The following ATP2A1 variants were observed in gnomAD, a reference collection of about 807,000 sequenced individuals.
The protein encoded by ATP2A1 is ATPase sarcoplasmic/endoplasmic reticulum Ca2+ transporting 1.
Under a neutral mutation model 109.5 loss-of-function variants are expected in ATP2A1, and 83 were observed. That is an observed-to-expected ratio of 0.76 (90% CI 0.63 to 0.91). ATP2A1 has a LOEUF of 0.91. Among genes scored for constraint, ATP2A1 ranks in the 40% least tolerant of loss-of-function variants. The probability of loss-of-function intolerance (pLI) is 0.00; values close to 1 mark genes in which losing one functional copy is unlikely to be tolerated. For missense variants in ATP2A1, 1,101 were observed against 1,341.0 expected (o/e 0.82, Z 2.80); for synonymous variants, 505 against 537.6 (o/e 0.94, Z 0.84).
rs780127832 is a variant in ATP2A1 at position 28,897,949 on chromosome 16, C to A, written c.1420-51C>A. ...TGGGGTCTGCTCTGACCTCCAGATT[C>A]TTTTTGACCATTTTAAGAGGACTGG... On this transcript the variant is annotated intron_variant, in intron 12 of 22. Coordinates refer to ENST00000395503, the MANE Select transcript of ATP2A1 (RefSeq NM_004320.6). 5 of 1,611,316 alleles carry A rather than the reference C, an allele frequency of 3.1e-6. No homozygotes were observed. The Admixed American group carries it at 6.7e-5, about 21-fold the overall frequency.
At position 28,880,527 on chromosome 16, in the gene ATP2A1, G is replaced by T. The variant is rs1455133197; in HGVS notation, c.220-388G>T. Among the ~76,000 whole-genome samples the T allele has an allele frequency of 6.6e-6, 1 of 151,372 alleles. No homozygotes were observed. The highest frequency in any genetic ancestry group is 2.4e-5 in the African/African-American group (1 of 41,398). ...CCTGCCTTGGCCGAGGGGGAGGGCT[G>T]CGGGGGCCAGACCGCCTGCGAAGAC... On this transcript the variant is annotated intron_variant, in intron 3 of 22. Coordinates refer to ENST00000395503, the MANE Select transcript of ATP2A1 (RefSeq NM_004320.6). This position sits in a 1 kb window ranked among gnomAD's most constrained non-coding sequence, Gnocchi z 4.2.
intron 9 of ATP2A1, among the ~76,000 whole-genome samples, chr16:28,890,114 T>C (rs1963728716): frequency 6.6e-6 from 1 of 151,520 alleles, no homozygotes; most frequent in Non-Finnish European, 1.5e-5. Flanking sequence ...TGCACTCCAG[T>C]GTGGGCGACG....
At chr16:28,901,386 C>T (rs912583883) in intron 15 of ATP2A1, among the ~76,000 whole-genome samples, 2 of 145,948 alleles carry the variant, frequency 1.4e-5, no homozygotes, top group African/African-American at 2.5e-5. Flanking sequence ...AATCCCAGAA[C>T]TTAAGGAGAC....
In ATP2A1 at chr16:28,898,104, G is replaced by A. The variant is rs187563462; in HGVS notation, c.1524G>A (p.Val508=). 1 of 1,614,108 alleles carries A rather than the reference G, an allele frequency of 6.2e-7. No homozygotes were observed. The highest frequency in any genetic ancestry group is 1.3e-5 in the African/African-American group (1 of 75,008). Residue 508 remains valine (V), a synonymous_variant, in exon 13 of 23, where the codon GTG becomes GTA. Coordinates refer to ENST00000395503, the MANE Select transcript of ATP2A1 (RefSeq NM_004320.6). The surrounding 1 kb of genome is among the most constrained non-coding windows in gnomAD (Gnocchi z 4.0). ...CAGCCAAATCTTCCCGGGCTGCTGT[G>A]GGCAACAAGATGTTTGTCAAGGTCA... The part of the protein sequence containing the change: ...CSPAKSSRAA[V]GNKMFVKGAP...
intron 8 of ATP2A1, among the ~76,000 whole-genome samples, chr16:28,888,150 T>G (rs1334659362): frequency 1.3e-5 from 2 of 148,500 alleles, no homozygotes. Flanking sequence ...CTTCTGCCTC[T>G]GCCTCCCAAG....
Position 28,879,545 on chromosome 16 carries a change from C to T in ATP2A1, c.181C>T (p.Leu61=), listed in dbSNP as rs1398327400. The T allele has an allele frequency of 6.2e-7, 1 of 1,614,174 alleles. No individual in the cohort carries two copies. The highest frequency in any genetic ancestry group is 1.1e-5 in the South Asian group (1 of 91,088). The change falls in exon 3 of 23, where the codon CTG becomes TTG. Residue 61 remains leucine (L), a synonymous_variant. Transcript: ENST00000395503. ...ELVIEQFEDL[L]VRILLLAACI... ...GGTGATAGAGCAGTTTGAAGACCTCCTGGTGCGGATTCTCCTCCTGGCCGC... is the reference window on the plus strand; with the variant it reads ...GGTGATAGAGCAGTTTGAAGACCTCTTGGTGCGGATTCTCCTCCTGGCCGC...
Position 28,903,200 on chromosome 16 carries a change from C to T in ATP2A1, c.2862+53C>T, listed in dbSNP as rs1452053666. The stretch of plus-strand genomic sequence containing the variant: ...CACCCCAGCACTGGGGAGCCCACGG[C>T]GGGCCCATGACCACTCCCACCAGGG... On this transcript the variant is annotated intron_variant, in intron 20 of 22. Coordinates refer to ENST00000395503, the MANE Select transcript of ATP2A1 (RefSeq NM_004320.6). The surrounding 1 kb of genome is among the most constrained non-coding windows in gnomAD (Gnocchi z 5.6). 18 of 1,601,256 alleles carry T rather than the reference C, an allele frequency of 1.1e-5. No individual in the cohort carries two copies. The highest frequency in any genetic ancestry group is 9.9e-5 in the South Asian group (9 of 90,824).
Position 28,880,892 on chromosome 16 carries a change from T to A in ATP2A1, c.220-23T>A. 1 of 1,605,792 alleles carries A rather than the reference T, an allele frequency of 6.2e-7. No homozygotes were observed. Among genetic ancestry groups the A allele is most frequent in the Non-Finnish European group, 8.5e-7 (1 of 1,172,400 alleles). On this transcript the variant is annotated intron_variant, in intron 3 of 22. Transcript: ENST00000395503. This position sits in a 1 kb window ranked among gnomAD's most constrained non-coding sequence, Gnocchi z 4.2. ...TGTTTTGGGGCCTCATTACCTGTCA[T>A]TCTCCTTTCCCCTGCTCCCCAGGTG...
chr16:28,884,562 A>G lies in ATP2A1; in HGVS notation c.464-13A>G. Reference sequence around the variant, plus strand: ...TTCCCAAGTGACCTCCCTCTTCCCTACTCTCTCCACAGTGGGGGACAAAGT... The same window carrying G: ...TTCCCAAGTGACCTCCCTCTTCCCTGCTCTCTCCACAGTGGGGGACAAAGT... On this transcript the variant is annotated splice_polypyrimidine_tract_variant and intron_variant, in intron 5 of 22. Transcript: ENST00000395503. 6.2e-7 allele frequency: 1 copy of G among 1,610,344 alleles called. No individual in the cohort carries two copies. Among genetic ancestry groups the G allele is most frequent in the Non-Finnish European group, 8.5e-7 (1 of 1,177,390 alleles).
rs768156496 is a variant in ATP2A1 at position 28,894,487 on chromosome 16, C to T, written c.1185-18C>T. 2 of 1,611,602 alleles carry T rather than the reference C, an allele frequency of 1.2e-6. No individual in the cohort carries two copies. The highest frequency in any genetic ancestry group is 1.7e-6 in the Non-Finnish European group (2 of 1,178,898). ...TCTCCACTGTCTCTGTCCCTTCCTC[C>T]CCTGACCCTGCTGCCAGCTTGAAGA... On this transcript the variant is annotated intron_variant, in intron 10 of 22. Transcript: ENST00000395503.
At position 28,902,898 on chromosome 16, in the gene ATP2A1, A is replaced by G; in HGVS notation, c.2731A>G (p.Asn911Asp). The G allele has an allele frequency of 6.2e-7, 1 of 1,613,632 alleles. No homozygotes were observed. The highest frequency in any genetic ancestry group is 8.5e-7 in the Non-Finnish European group (1 of 1,179,898). Residue 911 changes from asparagine to aspartate, a missense_variant, in exon 19 of 23, where the codon AAT (asparagine) becomes GAT (aspartate). Physicochemically the swap from Asn to Asp is conservative, Grantham distance 23. Transcript: ENST00000395503. The surrounding 1 kb of genome is among the most constrained non-coding windows in gnomAD (Gnocchi z 4.8). The stretch of plus-strand genomic sequence containing the variant: ...CGTGCTGGTGACCATCGAGATGTGC[A>G]ATGCACTGAACAGGTGGGGGCCCCC... ...LSVLVTIEMC[N>D]ALNSLSENQS...
chr16:28,895,030 T>G (rs760762612), intron 12 of ATP2A1, 77 bp downstream of exon 12: 146 of 1,592,724 alleles, frequency 9.2e-5, no homozygotes, highest in Admixed American at 1.7e-4. Context: ...GAGGCCCTGG[T>G]TGGGCAGAGC....
intron 7 of ATP2A1, 60 bp from the exon 8 acceptor site, chr16:28,887,365 G>A: frequency 6.2e-7 from 1 of 1,612,614 alleles, no homozygotes; most frequent in Non-Finnish European, 8.5e-7. Context: ...GATGGCGTGG[G>A]GAGATGCGGC....
intron 4 of ATP2A1, chr16:28,881,543 G>C: frequency 4.7e-6 from 1 of 210,720 alleles, no homozygotes; most frequent in Non-Finnish European, 9.7e-6. Context: ...GATAGAAATA[G>C]CCACTTTCAT....
intron 14 of ATP2A1, among the ~76,000 whole-genome samples, chr16:28,900,372 A>C (rs1964037601): frequency 6.6e-6 from 1 of 151,772 alleles, no homozygotes; most frequent in South Asian, 2.1e-4. Flanking sequence ...GCAGGTGCTT[A>C]GATGAATGAG....
At position 28,898,759 on chromosome 16, in the gene ATP2A1, T is replaced by A. The variant is rs945897429; in HGVS notation, c.1764+308T>A. The stretch of plus-strand genomic sequence containing the variant: ...ATCTCTATTAAAAAAAAAATTTTTT[T>A]AATTACCTGGTTAAATTCATAGGGG... On this transcript the variant is annotated intron_variant, in intron 14 of 22. Transcript: ENST00000395503. This position sits in a 1 kb window ranked among gnomAD's most constrained non-coding sequence, Gnocchi z 4.0. 3.3e-5 allele frequency among the ~76,000 whole-genome samples: 5 copies of A among 151,834 alleles called. No individual in the cohort carries two copies. Among genetic ancestry groups the A allele is most frequent in the African/African-American group, 7.3e-5 (3 of 41,322 alleles).
At chr16:28,894,108 G>C in intron 9 of ATP2A1, 47 bp from the exon 10 acceptor site, 1 of 1,548,406 alleles carries the variant, frequency 6.5e-7, no homozygotes, top group Non-Finnish European at 8.9e-7. Flanking sequence ...GCCCACCTTG[G>C]GATGGGAAGA....
At position 28,902,440 on chromosome 16, in the gene ATP2A1, C is replaced by T. The variant is rs1964107515; in HGVS notation, c.2524+54C>T. 2 of 1,596,886 alleles carry T rather than the reference C, an allele frequency of 1.3e-6. No homozygotes were observed. The highest frequency in any genetic ancestry group is 8.6e-7 in the Non-Finnish European group (1 of 1,167,448). On this transcript the variant is annotated intron_variant, in intron 17 of 22. Transcript: ENST00000395503. The surrounding 1 kb of genome is among the most constrained non-coding windows in gnomAD (Gnocchi z 4.8). ...CCACCCCTTGGGACTAACCCCCTCT[C>T]TGGGACACCAGCTCCCCCATGCAGG...
In ATP2A1 at chr16:28,887,206, A is replaced by G. The variant is rs769354145; in HGVS notation, c.562A>G (p.Ile188Val). ...CTCCACAGGCGAGTCTGTATCTGTC[A>G]TCAAACACACGGAGCCCGTTCCTGA... ...SILTGESVSVIKHTEPVPDPR... is the reference protein window; with the variant it reads ...SILTGESVSVVKHTEPVPDPR... The change falls in exon 7 of 23, where the codon ATC (isoleucine) becomes GTC (valine). Residue 188 changes from isoleucine (I) to valine (V), a missense_variant. Physicochemically the swap from Ile to Val is conservative, Grantham distance 29. Transcript: ENST00000395503. 3.3e-5 allele frequency: 54 copies of G among 1,613,764 alleles called. 2 individuals carry two copies. In the South Asian group the frequency reaches 5.6e-4, roughly 17 times the overall value.
Sources: gnomAD v4.1 joint callset for allele counts (sites outside exome capture counted in the v4.1 genomes callset) on GRCh38, gnomAD v4.1.1 for gene constraint, Gnocchi (gnomAD v3.1) non-coding constraint, MANE v1.5 for transcripts, NCBI Gene and HGNC (gene_info 2026-07-23, HGNC 2026-07-21) for gene names.